Variants in FAM83C observed in about 807,000 individuals in gnomAD.
FAM83C encodes protein FAM83C.
Under a neutral mutation model 27.1 loss-of-function variants are expected in FAM83C, and 23 were observed. That is an observed-to-expected ratio of 0.85 (90% CI 0.61 to 1.20). The LOEUF (loss-of-function observed/expected upper bound fraction) is 1.20. FAM83C is among the 50% of genes most tolerant of loss of function. The probability of loss-of-function intolerance (pLI) is 0.00; values close to 1 mark genes in which losing one functional copy is unlikely to be tolerated. For synonymous variants in FAM83C, 426 were observed against 423.1 expected, an observed-to-expected ratio of 1.01 and a Z score of -0.09; for missense variants, 984 against 1,001.3, an observed-to-expected ratio of 0.98 and a Z score of 0.23.
intron 1 of FAM83C, among the ~76,000 whole-genome samples, chr20:35,290,998 G>A (rs971466015): frequency 5.3e-4 from 81 of 152,190 alleles, no homozygotes; most frequent in Middle Eastern, 3.2e-3. Flanking sequence ...CTTCAGAAGG[G>A]AAGCTGTGCT....
chr20:35,288,511 C>G lies in FAM83C; in HGVS notation c.756G>C (p.Leu252=). 6.2e-7 allele frequency: 1 copy of G among 1,614,220 alleles called. No homozygotes were observed. Among genetic ancestry groups the G allele is most frequent in the Non-Finnish European group, 8.5e-7 (1 of 1,180,026 alleles). The change falls in exon 3 of 4, where the codon CTG becomes CTC. Residue 252 remains leucine, a synonymous_variant. Coordinates refer to ENST00000374408, the MANE Select transcript of FAM83C (RefSeq NM_178468.6). ...KAGRRFTGQA[L]EKFVLIDCEQ... ...CACAGTCAATGAGGACGAACTTCTC[C>G]AGGGCCTGCCCCGTGAAGCGGCGGC...
rs745874165 is a variant in FAM83C at position 35,287,409 on chromosome 20, C to A, written c.1370G>T (p.Arg457Leu). 3.7e-6 allele frequency: 6 copies of A among 1,613,968 alleles called. No homozygotes were observed. Among genetic ancestry groups the A allele is most frequent in the Non-Finnish European group, 4.2e-6 (5 of 1,179,986 alleles). Residue 457 changes from arginine to leucine, a missense_variant, in exon 4 of 4, where the codon CGG (arginine) becomes CTG (leucine). Coordinates refer to ENST00000374408, the MANE Select transcript of FAM83C (RefSeq NM_178468.6). ...GAACCGGGACAGAGCTGGGGCACCC[C>A]GATGGAACTGGAGGAGGGGCCGGGA... ...PRSRPLLQFH[R>L]GAPALSRFPE... is the part of the protein sequence containing the mutation.
In FAM83C at chr20:35,286,188, A is replaced by G. The variant is rs1232727736; in HGVS notation, c.*347T>C. ...GACTCTCTGCCCTTTGTTTTCTAAC[A>G]CCCTCTGTAACTGGTTAACCTTTAA... is the stretch of plus-strand genomic sequence containing the variant. On this transcript the variant is annotated 3_prime_UTR_variant, in exon 4 of 4. Transcript: ENST00000374408. The G allele has an allele frequency of 9.3e-6, 2 of 216,108 alleles. No individual in the cohort carries two copies. The highest frequency in any genetic ancestry group is 1.8e-5 in the Non-Finnish European group (2 of 109,284). The allele number at this position is 216,108 out of a possible 1,614,324, so 13.4% of individuals were successfully genotyped here. A position where few individuals can be genotyped will look rare whatever the true frequency, so the allele number is the denominator to read the frequency against.
At position 35,286,708 on chromosome 20, in the gene FAM83C, C is replaced by T. The variant is rs543604674; in HGVS notation, c.2071G>A (p.Gly691Arg). 331 of 1,614,072 alleles carry T rather than the reference C, an allele frequency of 2.1e-4. 6 individuals carry two copies. The South Asian group carries it at 2.9e-3, about 14-fold the overall frequency. The change falls in exon 4 of 4, where the codon GGG becomes AGG. Residue 691 changes from glycine to arginine, a missense_variant. Physicochemically the swap from Gly to Arg is moderately radical, Grantham distance 125 (BLOSUM62 -2). Transcript: ENST00000374408. ...CCAGGCTCAGTTCCCTGCCTGGCCC[C>T]GTGCAACTGATGATACTTGGTGATG... ...DLITKYHQLHGARQGTEPGGP... is the reference protein window; with the variant it reads ...DLITKYHQLHRARQGTEPGGP...
Position 35,286,363 on chromosome 20 carries a change from G to GTA in FAM83C, c.*171_*172insTA. ...AGAAGATACTAGTTAGGGTGTGTGT[G>GTA]TGTGTGTGTGTGTGTGTGTGTGTAC... On this transcript the variant is annotated 3_prime_UTR_variant, in exon 4 of 4. Transcript: ENST00000374408. 1 of 594,814 alleles carries GTA rather than the reference G, an allele frequency of 1.7e-6. No homozygotes were observed. The highest frequency in any genetic ancestry group is 2.9e-6 in the Non-Finnish European group (1 of 340,464). The allele number at this position is 594,814 out of a possible 1,614,324, so 36.8% of individuals were successfully genotyped here.
At position 35,287,085 on chromosome 20, in the gene FAM83C, C is replaced by G; in HGVS notation, c.1694G>C (p.Gly565Ala). The change falls in exon 4 of 4, where the codon GGG becomes GCG. Residue 565 changes from glycine to alanine, a missense_variant. Transcript: ENST00000374408. ...GAGGGAACCCAACTCAGGGGCACCCCCAGTACCCAGGGCTCGGGACAGGAG... is the reference window on the plus strand; with the variant it reads ...GAGGGAACCCAACTCAGGGGCACCCGCAGTACCCAGGGCTCGGGACAGGAG... ...LDLLSRALGT[G>A]GAPELGSLRP... 1 of 1,605,060 alleles carries G rather than the reference C, an allele frequency of 6.2e-7. No individual in the cohort carries two copies. The highest frequency in any genetic ancestry group is 8.5e-7 in the Non-Finnish European group (1 of 1,179,898).
intron 1 of FAM83C, among the ~76,000 whole-genome samples, chr20:35,291,414 C>A (rs2060846500): frequency 6.6e-6 from 1 of 152,178 alleles, no homozygotes; most frequent in Non-Finnish European, 1.5e-5. Flanking sequence ...AGATGTTCCC[C>A]AAGGTTGGAG....
chr20:35,288,752 C>T (rs778381293), intron 2 of FAM83C, 39 bp downstream of exon 2: 31 of 1,574,008 alleles, frequency 2.0e-5, no homozygotes, highest in Admixed American at 1.4e-4. Context: ...CCTGACTCCC[C>T]GCCCACACCC....
In FAM83C at chr20:35,292,354, C is replaced by G; in HGVS notation, c.-50G>C. ...GCCGGCAGGGCCCATGGCCCGCACG[C>G]TGGGCTGGCTGCAGCAGGAAGAGGA... is the stretch of plus-strand genomic sequence containing the variant. On this transcript the variant is annotated 5_prime_UTR_variant, in exon 1 of 4. Coordinates refer to ENST00000374408, the MANE Select transcript of FAM83C (RefSeq NM_178468.6). The G allele has an allele frequency of 7.0e-7, 1 of 1,437,716 alleles. No individual in the cohort carries two copies. The highest frequency in any genetic ancestry group is 9.1e-7 in the Non-Finnish European group (1 of 1,102,616). The allele number at this position is 1,437,716 out of a possible 1,614,324, so 89.1% of individuals were successfully genotyped here.
chr20:35,286,478 C>A lies in FAM83C; in HGVS notation c.*57G>T. On this transcript the variant is annotated 3_prime_UTR_variant, in exon 4 of 4. Coordinates refer to ENST00000374408, the MANE Select transcript of FAM83C (RefSeq NM_178468.6). ...TGGGACCTGAGCAAGTCCAGAGTCT[C>A]GGTGGACAGAGGAGGGGCCTGCCCT... The A allele has an allele frequency of 6.7e-7, 1 of 1,502,594 alleles. No individual in the cohort carries two copies. Among genetic ancestry groups the A allele is most frequent in the Non-Finnish European group, 8.9e-7 (1 of 1,125,008 alleles). 93.1% of individuals were successfully genotyped at this position (1,502,594 alleles called of 1,614,324 possible). A position where few individuals can be genotyped will look rare whatever the true frequency, so the allele number is the denominator to read the frequency against.
Position 35,287,748 on chromosome 20 carries a change from G to T in FAM83C, c.1031C>A (p.Ser344Tyr), listed in dbSNP as rs1439566169. ...DVPSPTSSLP[S>Y]STSLSSIKQS... ...CTTGATGCTGCTGAGGCTGGTGCTG[G>T]AGGGCAGGGACGACGTGGGGCTTGG... Residue 344 changes from serine (S) to tyrosine (Y), a missense_variant, in exon 4 of 4, where the codon TCC (serine) becomes TAC (tyrosine). Coordinates refer to ENST00000374408, the MANE Select transcript of FAM83C (RefSeq NM_178468.6). 1 of 1,613,806 alleles carries T rather than the reference G, an allele frequency of 6.2e-7. No individual in the cohort carries two copies. Among genetic ancestry groups the T allele is most frequent in the South Asian group, 1.1e-5 (1 of 91,028 alleles).
In FAM83C at chr20:35,287,138, G is replaced by T. The variant is rs760665276; in HGVS notation, c.1641C>A (p.Ser547=). ...GEQAPEDRRL[S]PSQADSQLDL... ...CCAGCTGGCTGTCGGCCTGGCTTGG[G>T]GACAACCTCCTGTCCTCTGGGGCCT... The change falls in exon 4 of 4, where the codon TCC becomes TCA. Residue 547 remains serine, a synonymous_variant. Transcript: ENST00000374408. 2.5e-5 allele frequency: 40 copies of T among 1,604,254 alleles called. No homozygotes were observed. Among genetic ancestry groups the T allele is most frequent in the Admixed American group, 1.0e-4 (6 of 59,886 alleles).
rs199930366 is a variant in FAM83C at position 35,288,437 on chromosome 20, C to T, written c.806+24G>A. 4.1e-4 allele frequency: 667 copies of T among 1,613,120 alleles called. 2 individuals carry two copies. The African/African-American group carries it at 7.8e-3, about 19-fold the overall frequency. ...AGCCAGTGATGCAGCCCCAGGCCCC[C>T]CTTGCCTCCTCGTGCCTGCTCACCT... On this transcript the variant is annotated intron_variant, in intron 3 of 3. Coordinates refer to ENST00000374408, the MANE Select transcript of FAM83C (RefSeq NM_178468.6).
Position 35,291,832 on chromosome 20 carries a change from A to G in FAM83C, c.473T>C (p.Ile158Thr). 1.2e-6 allele frequency: 2 copies of G among 1,614,060 alleles called. No individual in the cohort carries two copies. The stretch of plus-strand genomic sequence containing the variant: ...GAAAAGGAAGCGCAGCAGGTCCTTG[A>G]TGTTCTTGGCCTTGTCCCTCTGGAA... ...VHFQRDKAKN[I>T]KDLLRFLFSQ... Residue 158 changes from isoleucine (I) to threonine (T), a missense_variant, in exon 1 of 4, where the codon ATC (isoleucine) becomes ACC (threonine). Ile to Thr is a moderately conservative substitution (Grantham distance 89). Transcript: ENST00000374408.
Position 35,287,658 on chromosome 20 carries a change from G to A in FAM83C, c.1121C>T (p.Thr374Met), listed in dbSNP as rs745397243. 3.2e-5 allele frequency: 51 copies of A among 1,613,796 alleles called. No homozygotes were observed. The East Asian group carries it at 8.7e-4, about 28-fold the overall frequency. The change falls in exon 4 of 4, where the codon ACG becomes ATG. Residue 374 changes from threonine (T) to methionine (M), a missense_variant. By Grantham distance (81) the Thr-to-Met change is moderately conservative. Transcript: ENST00000374408. Reference protein sequence around the residue: ...ALPGGGDCSDTGVVSSSLGPA... With the variant: ...ALPGGGDCSDMGVVSSSLGPA... ...ACCCAGGGACGAGGACACCACACCC[G>A]TATCACTGCAATCACCACCTCCTGG...
At position 35,286,869 on chromosome 20, in the gene FAM83C, A is replaced by G; in HGVS notation, c.1910T>C (p.Leu637Pro). 6.2e-7 allele frequency: 1 copy of G among 1,614,210 alleles called. No individual in the cohort carries two copies. Among genetic ancestry groups the G allele is most frequent in the Non-Finnish European group, 8.5e-7 (1 of 1,180,034 alleles). ...ACGGAATGGGCCGAACTTTGTGATG[A>G]GGTCCAGCTGGCTGTGCCCCAGGGT... Reference protein sequence around the residue: ...RQTLGHSQLDLITKFGPFRGE... With the variant: ...RQTLGHSQLDPITKFGPFRGE... Residue 637 changes from leucine to proline, a missense_variant, in exon 4 of 4, where the codon CTC becomes CCC. By Grantham distance (98) the Leu-to-Pro change is moderately conservative. Coordinates refer to ENST00000374408, the MANE Select transcript of FAM83C (RefSeq NM_178468.6).
In FAM83C at chr20:35,288,536, C is replaced by T; in HGVS notation, c.731G>A (p.Gly244Asp). 6.2e-7 allele frequency: 1 copy of T among 1,614,218 alleles called. No individual in the cohort carries two copies. The highest frequency in any genetic ancestry group is 8.5e-7 in the Non-Finnish European group (1 of 1,180,020). The change falls in exon 3 of 4, where the codon GGC becomes GAC. Residue 244 changes from glycine (G) to aspartate (D), a missense_variant. Gly to Asp is a moderately conservative substitution (Grantham distance 94). Coordinates refer to ENST00000374408, the MANE Select transcript of FAM83C (RefSeq NM_178468.6). ...TCGDTYCSKA[G>D]RRFTGQALEK... ...CAGGGCCTGCCCCGTGAAGCGGCGGCCAGCCTTGCTGCAGTATGTGTCCCC... is the reference window on the plus strand; with the variant it reads ...CAGGGCCTGCCCCGTGAAGCGGCGGTCAGCCTTGCTGCAGTATGTGTCCCC...
In FAM83C at chr20:35,292,047, G is replaced by A. The variant is rs781331537; in HGVS notation, c.258C>T (p.Arg86=). 17 of 1,612,378 alleles carry A rather than the reference G, an allele frequency of 1.1e-5. No individual in the cohort carries two copies. The South Asian group carries it at 1.3e-4, about 12-fold the overall frequency. ...GAGCCTCGCTGAGCTCAGGGCCCCC[G>A]CGCACATGGCTGGTCATGTAGTCCA... ...LDVDYMTSHV[R]GGPELSEAQG... is the part of the protein sequence containing the mutation. Residue 86 remains arginine, a synonymous_variant, in exon 1 of 4, where the codon CGC becomes CGT. Transcript: ENST00000374408.
At chr20:35,288,997 A>G (rs1290974197) in intron 1 of FAM83C, 39 bp from the exon 2 acceptor site, 1 of 1,593,314 alleles carries the variant, frequency 6.3e-7, no homozygotes, top group Non-Finnish European at 8.6e-7. Flanking sequence ...AGCGCTGCCC[A>G]GGGCACTCCC....
Sources: allele counts gnomAD v4.1 joint callset (sites outside exome capture counted in the v4.1 genomes callset), GRCh38; gene constraint gnomAD v4.1.1; transcripts MANE v1.5; gene names NCBI Gene and HGNC (gene_info 2026-07-23, HGNC 2026-07-21).